PTPDC1: variants seen among roughly 807,000 people sequenced by gnomAD.
The protein encoded by PTPDC1 is protein tyrosine phosphatase domain containing 1.
Under a neutral mutation model 75.3 loss-of-function variants are expected in PTPDC1, and 53 were observed. The observed-to-expected ratio is 0.70, with a 90% confidence interval of 0.56 to 0.88. The LOEUF (loss-of-function observed/expected upper bound fraction) is 0.88. Among genes scored for constraint, PTPDC1 ranks in the 40% least tolerant of loss-of-function variants. PTPDC1 has a pLI of 0.00. For synonymous variants in PTPDC1, 349 were observed against 366.2 expected (o/e 0.95, Z 0.54); for missense variants, 925 against 998.6 (o/e 0.93, Z 0.99).
intron 1 of PTPDC1, among the ~76,000 whole-genome samples, chr9:94,061,590 G>T (rs369505785): frequency 6.6e-6 from 1 of 152,244 alleles, no homozygotes; most frequent in African/African-American, 2.4e-5. Flanking sequence ...CTAGGTGGAG[G>T]TTCCCAAGCT....
intron 2 of PTPDC1, among the ~76,000 whole-genome samples, chr9:94,065,195 G>A (rs1397103695): frequency 6.6e-6 from 1 of 152,240 alleles, no homozygotes; most frequent in Admixed American, 6.5e-5. Context: ...TTCTCCCAGT[G>A]TCTTTTCTCC....
intron 1 of PTPDC1, among the ~76,000 whole-genome samples, chr9:94,043,952 C>A (rs1825509630): frequency 6.6e-6 from 1 of 152,040 alleles, no homozygotes; most frequent in African/African-American, 2.4e-5. Flanking sequence ...GCACCTTTTT[C>A]AAAAATTAGT....
intron 1 of PTPDC1, among the ~76,000 whole-genome samples, chr9:94,052,319 T>C (rs1006400652): frequency 6.6e-6 from 1 of 152,186 alleles, no homozygotes; most frequent in African/African-American, 2.4e-5. Flanking sequence ...TCTGGTGTGG[T>C]CTAAAAATAT....
chr9:94,101,671 C>A lies in PTPDC1; in HGVS notation c.2119C>A (p.Pro707Thr), dbSNP rs756343039. Residue 707 changes from proline (P) to threonine (T), a missense_variant, in exon 7 of 9, where the codon CCT becomes ACT. Transcript: ENST00000620992. ...MWSWVEQLKEPVITKEDVDML... is the reference protein window; with the variant it reads ...MWSWVEQLKETVITKEDVDML... ...GTCTTGGGTGGAGCAACTGAAGGAG[C>A]CTGTAATCACCAAAGAGGATGTGGA... 6.2e-7 allele frequency: 1 copy of A among 1,613,638 alleles called. No individual in the cohort carries two copies. The highest frequency in any genetic ancestry group is 1.7e-5 in the Admixed American group (1 of 59,984).
intron 2 of PTPDC1, among the ~76,000 whole-genome samples, chr9:94,069,847 C>A (rs1304821325): frequency 1.7e-5 from 2 of 118,888 alleles, no homozygotes; most frequent in East Asian, 4.9e-4. Flanking sequence ...TTTTTTGAGA[C>A]GGAGTCTCGC....
intron 1 of PTPDC1, among the ~76,000 whole-genome samples, chr9:94,062,317 C>T (rs1337953535): frequency 6.6e-6 from 1 of 152,174 alleles, no homozygotes; most frequent in African/African-American, 2.4e-5. Context: ...TCACTATCAG[C>T]ATTTTAGTTA....
chr9:94,094,191 T>C (rs897003790), intron 4 of PTPDC1, among the ~76,000 whole-genome samples: 2 of 152,136 alleles, frequency 1.3e-5, no homozygotes, highest in African/African-American at 4.8e-5. Context: ...TCTGTTCTGT[T>C]TTTTCCCCAT....
intron 1 of PTPDC1, among the ~76,000 whole-genome samples, chr9:94,048,058 T>A (rs555194990): frequency 2.0e-5 from 3 of 152,326 alleles, no homozygotes; most frequent in Admixed American, 1.3e-4. Context: ...ATCCTCCCTT[T>A]ATCATTTTTT....
chr9:94,094,887 CT>C (rs1424872029), intron 4 of PTPDC1, among the ~76,000 whole-genome samples: 1 of 152,230 alleles, frequency 6.6e-6, no homozygotes, highest in Non-Finnish European at 1.5e-5. Flanking sequence ...AGGGAACCCC[CT>C]GACCCCTTGC....
chr9:94,082,285 C>T (rs1332488588), upstream of PTPDC1, among the ~76,000 whole-genome samples: 1 of 152,196 alleles, frequency 6.6e-6, no homozygotes, highest in Non-Finnish European at 1.5e-5. Flanking sequence ...GATAGGTGGG[C>T]CTCCCACGCC....
intron 1 of PTPDC1, among the ~76,000 whole-genome samples, chr9:94,043,125 T>C (rs1029478595): frequency 2.0e-5 from 3 of 152,226 alleles, no homozygotes; most frequent in Non-Finnish European, 4.4e-5. Flanking sequence ...AATCAGCTTC[T>C]TCCTAACTCC....
At position 94,098,285 on chromosome 9, in the gene PTPDC1, C is replaced by G; in HGVS notation, c.1719C>G (p.His573Gln). 1 of 1,614,204 alleles carries G rather than the reference C, an allele frequency of 6.2e-7. No homozygotes were observed. Among genetic ancestry groups the G allele is most frequent in the Non-Finnish European group, 8.5e-7 (1 of 1,180,044 alleles). Residue 573 changes from histidine to glutamine, a missense_variant, in exon 6 of 9, where the codon CAC (histidine) becomes CAG (glutamine). Coordinates refer to ENST00000620992, the MANE Select transcript of PTPDC1 (RefSeq NM_001253829.2). ...TCCATAAGGATCCAAACCCTGCTCA[C>G]CAGCAAGTGTCTCACTGTCAGTGTA... Reference protein sequence around the residue: ...ANVHKDPNPAHQQVSHCQCKT... With the variant: ...ANVHKDPNPAQQQVSHCQCKT...
intron 2 of PTPDC1, among the ~76,000 whole-genome samples, chr9:94,065,182 T>C (rs1405013504): frequency 3.3e-5 from 5 of 152,264 alleles, no homozygotes; most frequent in Non-Finnish European, 5.9e-5. Flanking sequence ...ACTCCAGCCC[T>C]ACTTCTCCCA....
chr9:94,087,728 G>A, intron 2 of PTPDC1, 103 bp from the exon 3 acceptor site: 1 of 753,040 alleles, frequency 1.3e-6, no homozygotes, highest in Non-Finnish European at 2.3e-6. Context: ...TAACAGAGTT[G>A]TTGAAATCAT....
chr9:94,051,003 C>T (rs997756612), intron 1 of PTPDC1, among the ~76,000 whole-genome samples: 5 of 152,210 alleles, frequency 3.3e-5, no homozygotes, highest in Admixed American at 1.3e-4. Context: ...GGCATAGGAA[C>T]CTCCAAGCCA....
chr9:94,098,375 G>C lies in PTPDC1; in HGVS notation c.1809G>C (p.Leu603=). The C allele has an allele frequency of 6.2e-7, 1 of 1,614,172 alleles. No individual in the cohort carries two copies. Among genetic ancestry groups the C allele is most frequent in the South Asian group, 1.1e-5 (1 of 91,086 alleles). The change falls in exon 6 of 9, where the codon CTG becomes CTC. Residue 603 remains leucine (L), a synonymous_variant. Transcript: ENST00000620992. ...ACAGCAGGACACCCCGAAGCCCTCTGGACTGTGGCTCCAGTCCCAAAGCAC... is the reference window on the plus strand; with the variant it reads ...ACAGCAGGACACCCCGAAGCCCTCTCGACTGTGGCTCCAGTCCCAAAGCAC... The part of the protein sequence containing the change: ...RQNSRTPRSP[L]DCGSSPKAQF...
intron 2 of PTPDC1, among the ~76,000 whole-genome samples, chr9:94,072,165 G>A (rs1236649601): frequency 1.1e-4 from 17 of 151,974 alleles, no homozygotes; most frequent in Admixed American, 9.2e-4. Context: ...CTGCCACCAC[G>A]CCCAGCTAAT....
chr9:94,060,131 C>A (rs937682186), intron 1 of PTPDC1, among the ~76,000 whole-genome samples: 1 of 152,142 alleles, frequency 6.6e-6, no homozygotes, highest in African/African-American at 2.4e-5. Flanking sequence ...GATGTATCAT[C>A]TGGGAAGCTA....
At chr9:94,046,276 C>T (rs1399668453) in intron 1 of PTPDC1, among the ~76,000 whole-genome samples, 2 of 152,152 alleles carry the variant, frequency 1.3e-5, no homozygotes, top group African/African-American at 4.8e-5. Flanking sequence ...AGTCAGGTAG[C>T]ATGATGCCTC....
Sources: allele counts gnomAD v4.1 joint callset (sites outside exome capture counted in the v4.1 genomes callset), GRCh38; gene constraint gnomAD v4.1.1; transcripts MANE v1.5; gene names NCBI Gene and HGNC (gene_info 2026-07-23, HGNC 2026-07-21).